Variants in THSD7B observed in about 807,000 individuals in gnomAD.
THSD7B encodes thrombospondin type-1 domain-containing protein 7B.
In THSD7B, 138 loss-of-function variants were observed where a neutral mutation model predicts 213.6. The ratio of observed to expected loss-of-function variants is 0.65; its 90% CI spans 0.56 to 0.74. The LOEUF is 0.74. Among genes scored for constraint, THSD7B ranks in the 30% least tolerant of loss-of-function variants. The pLI, the probability that THSD7B is intolerant of heterozygous loss-of-function variation, is 0.00. For synonymous variants in THSD7B, 742 were observed against 687.0 expected (o/e 1.08, Z -1.25); for missense variants, 1,931 against 1,991.5 (o/e 0.97, Z 0.58).
At chr2:136,836,731 T>A (rs556623275) in intron 1 of THSD7B, among the ~76,000 whole-genome samples, 1 of 152,322 alleles carries the variant, frequency 6.6e-6, no homozygotes, top group South Asian at 2.1e-4. Flanking sequence ...TATTTTTCTT[T>A]CTAGTCTCAG....
intron 20 of THSD7B, among the ~76,000 whole-genome samples, chr2:137,637,747 G>A (rs778543531): frequency 6.6e-6 from 1 of 152,052 alleles, no homozygotes; most frequent in Non-Finnish European, 1.5e-5. Flanking sequence ...AAATAAAATG[G>A]TTCTATAGTA....
rs1247836033 is a variant in THSD7B at position 137,450,962 on chromosome 2, G to A, written c.3077G>A (p.Trp1026Ter). 2.5e-6 allele frequency: 4 copies of A among 1,612,234 alleles called. No homozygotes were observed. Among genetic ancestry groups the A allele is most frequent in the Non-Finnish European group, 2.5e-6 (3 of 1,178,960 alleles). ...ATTGGAGTGAGAATTCGATCCAAAT[G>A]GCTAAAAGAAAAACCTTACAATGGA... is the stretch of plus-strand genomic sequence containing the variant. ...CGIGVRIRSKWLKEKPYNGGR... is the reference protein window; with the variant it reads ...CGIGVRIRSK Residue 1026 changes from tryptophan (W) to a stop codon, truncating the protein, a stop_gained, in exon 15 of 28, where the codon TGG (tryptophan) becomes TAG (stop). Transcript: ENST00000409968. LOFTEE classifies it high-confidence loss of function.
chr2:137,489,846 C>T (rs949006600), intron 15 of THSD7B, among the ~76,000 whole-genome samples: 1 of 152,204 alleles, frequency 6.6e-6, no homozygotes, highest in Admixed American at 6.5e-5. Context: ...CCTCTCCCTC[C>T]TTTACTGTCT....
At chr2:137,030,058 AT>A (rs1212662432) in intron 2 of THSD7B, among the ~76,000 whole-genome samples, 1 of 151,942 alleles carries the variant, frequency 6.6e-6, no homozygotes. Context: ...TTTCTGGTGC[AT>A]CAAATATATC....
At chr2:136,934,399 T>C (rs1262680089) in intron 2 of THSD7B, among the ~76,000 whole-genome samples, 1 of 152,202 alleles carries the variant, frequency 6.6e-6, no homozygotes, top group East Asian at 1.9e-4. Context: ...TGTTTAGGTA[T>C]AGTAGTTAAT....
intron 1 of THSD7B, among the ~76,000 whole-genome samples, chr2:136,796,751 C>A (rs1682072879): frequency 6.6e-6 from 1 of 151,858 alleles, no homozygotes; most frequent in Non-Finnish European, 1.5e-5. Context: ...AGTTATAAGC[C>A]TGTTACAGTA....
intron 2 of THSD7B, among the ~76,000 whole-genome samples, chr2:136,950,419 A>G (rs935263932): frequency 9.2e-5 from 14 of 152,104 alleles, no homozygotes; most frequent in African/African-American, 3.4e-4. Flanking sequence ...GTATCCCAAA[A>G]CTGAAAGTAA....
chr2:137,534,878 T>G (rs1217697893), intron 15 of THSD7B, among the ~76,000 whole-genome samples: 3 of 151,830 alleles, frequency 2.0e-5, no homozygotes, highest in Non-Finnish European at 4.4e-5. Context: ...CATCATGCTC[T>G]TGTTTAATTA....
At chr2:137,181,493 T>C (rs1387239370) in intron 7 of THSD7B, among the ~76,000 whole-genome samples, 2 of 152,170 alleles carry the variant, frequency 1.3e-5, no homozygotes, top group African/African-American at 4.8e-5. Flanking sequence ...AGATGACAGA[T>C]GTTGGCCTAA....
At chr2:136,972,797 C>T (rs62170852) in intron 2 of THSD7B, among the ~76,000 whole-genome samples, 1 of 152,152 alleles carries the variant, frequency 6.6e-6, no homozygotes, top group Admixed American at 6.5e-5. Context: ...GTTGTAAAAT[C>T]TCAGTGCTTG....
chr2:137,318,434 G>T (rs1228207705), intron 12 of THSD7B, among the ~76,000 whole-genome samples: 1 of 152,074 alleles, frequency 6.6e-6, no homozygotes, highest in African/African-American at 2.4e-5. Flanking sequence ...TCAAGCCTAA[G>T]TCTAGTACTC....
At chr2:136,980,275 G>T (rs977508314) in intron 2 of THSD7B, among the ~76,000 whole-genome samples, 2 of 152,314 alleles carry the variant, frequency 1.3e-5, no homozygotes, top group South Asian at 4.1e-4. Context: ...CAGTCTGGCT[G>T]CCCCTTGGTG....
chr2:136,868,073 G>A (rs909856345), intron 1 of THSD7B, among the ~76,000 whole-genome samples: 1 of 151,704 alleles, frequency 6.6e-6, no homozygotes, highest in African/African-American at 2.4e-5. Context: ...CTATTGGTCT[G>A]TTTAAAACAT....
At chr2:136,903,501 T>C (rs563727933) in intron 2 of THSD7B, among the ~76,000 whole-genome samples, 78 of 152,276 alleles carry the variant, frequency 5.1e-4, no homozygotes, top group African/African-American at 1.9e-3. Context: ...TGTTGTAACA[T>C]ATGTTTTTCT....
At chr2:136,924,177 G>T (rs926526913) in intron 2 of THSD7B, among the ~76,000 whole-genome samples, 19 of 152,132 alleles carry the variant, frequency 1.2e-4, no homozygotes, top group Non-Finnish European at 2.5e-4. Context: ...TGCCTCATGG[G>T]TTCAAGCGAT....
At chr2:136,932,486 C>T (rs1370844852) in intron 2 of THSD7B, among the ~76,000 whole-genome samples, 1 of 147,278 alleles carries the variant, frequency 6.8e-6, no homozygotes, top group African/African-American at 2.4e-5. Flanking sequence ...AACTAATAGG[C>T]TATGGTTGAC....
chr2:137,027,536 G>A (rs769446487), intron 2 of THSD7B, among the ~76,000 whole-genome samples: 5 of 152,280 alleles, frequency 3.3e-5, no homozygotes, highest in East Asian at 1.9e-4. Flanking sequence ...GAGCTGAAAC[G>A]AAAGGTAATC....
chr2:137,637,058 A>G (rs1159070876), intron 20 of THSD7B, among the ~76,000 whole-genome samples: 3 of 152,170 alleles, frequency 2.0e-5, no homozygotes, highest in Non-Finnish European at 2.9e-5. Context: ...TAATATGGCC[A>G]CATCCTCCAC....
chr2:137,461,821 G>A (rs1364237410), intron 15 of THSD7B, among the ~76,000 whole-genome samples: 4 of 152,070 alleles, frequency 2.6e-5, no homozygotes, highest in African/African-American at 9.7e-5. Context: ...GAAGGAAGGA[G>A]CCACTTTTGT....
Sources: gnomAD v4.1 joint callset for allele counts (sites outside exome capture counted in the v4.1 genomes callset) on GRCh38, gnomAD v4.1.1 for gene constraint, MANE v1.5 for transcripts, NCBI Gene and HGNC (gene_info 2026-07-23, HGNC 2026-07-21) for gene names.